The following ARHGAP15 variants were observed in gnomAD, a reference collection of about 807,000 sequenced individuals.
ARHGAP15 encodes rho GTPase-activating protein 15.
A neutral mutation model predicts 63.7 loss-of-function variants in ARHGAP15; 51 were observed. The observed-to-expected ratio is 0.80, with a 90% CI of 0.64 to 1.01. The LOEUF is 1.01. ARHGAP15 is among the 50% of genes least tolerant of loss of function. The pLI is 0.00. For missense variants in ARHGAP15, 560 were observed against 564.6 expected (o/e 0.99, Z 0.08); for synonymous variants, 191 against 193.8 (o/e 0.99, Z 0.12).
chr2:143,471,020 AAT>A (rs1328331148), intron 8 of ARHGAP15, among the ~76,000 whole-genome samples: 10 of 149,190 alleles, frequency 6.7e-5, no homozygotes, highest in East Asian at 4.0e-4. Context: ...AGAAGATATG[AAT>A]ATGTGTGTAT....
At chr2:143,270,435 A>C (rs2105047948) in intron 6 of ARHGAP15, among the ~76,000 whole-genome samples, 1 of 152,288 alleles carries the variant, frequency 6.6e-6, no homozygotes, top group South Asian at 2.1e-4. Flanking sequence ...TTTTGAAAGA[A>C]CTTCAATATT....
At chr2:143,351,436 T>G (rs988201109) in intron 6 of ARHGAP15, 6 of 151,604 alleles carry the variant, frequency 4.0e-5, no homozygotes, top group Non-Finnish European at 8.8e-5. Flanking sequence ...AGGGAGAGAG[T>G]GAGACTACTG....
At chr2:143,133,572 A>C (rs1573988655) in intron 1 of ARHGAP15, among the ~76,000 whole-genome samples, 2 of 152,316 alleles carry the variant, frequency 1.3e-5, no homozygotes, top group East Asian at 3.9e-4. Context: ...TTACCTGTTC[A>C]GGTGCCTGAG....
chr2:143,632,329 A>G (rs1489851850), intron 12 of ARHGAP15, among the ~76,000 whole-genome samples: 1 of 152,110 alleles, frequency 6.6e-6, no homozygotes, highest in Non-Finnish European at 1.5e-5. Context: ...AAACCATATG[A>G]ACATATATAT....
At chr2:143,382,853 A>G (rs1019914521) in intron 6 of ARHGAP15, among the ~76,000 whole-genome samples, 3 of 152,222 alleles carry the variant, frequency 2.0e-5, no homozygotes, top group Non-Finnish European at 4.4e-5. Context: ...AGAGTCAGAC[A>G]CAAAACTCTC....
chr2:143,510,988 C>T (rs1559019084), intron 9 of ARHGAP15, among the ~76,000 whole-genome samples: 1 of 152,214 alleles, frequency 6.6e-6, no homozygotes, highest in Non-Finnish European at 1.5e-5. Flanking sequence ...CAGTTGTCCT[C>T]ATAGTTTTGA....
intron 2 of ARHGAP15, among the ~76,000 whole-genome samples, chr2:143,184,228 A>G (rs1220280618): frequency 6.6e-6 from 1 of 152,252 alleles, no homozygotes; most frequent in Non-Finnish European, 1.5e-5. Flanking sequence ...TGCCTTTAGC[A>G]TCAACTGAAA....
In ARHGAP15 at chr2:143,497,951, G is replaced by T. The variant is rs576304572; in HGVS notation, c.826+10456G>T. ...TACATGTCAGAGCTCTCATAACTCA[G>T]ATATCCTCATTAGGGACCCCATTCA... On this transcript the variant is annotated intron_variant, in intron 9 of 13. Coordinates refer to ENST00000295095, the MANE Select transcript of ARHGAP15 (RefSeq NM_018460.4). Among the ~76,000 whole-genome samples, 9 of 152,254 alleles carry T rather than the reference G, an allele frequency of 5.9e-5. No homozygotes were observed. In the East Asian group the frequency reaches 1.5e-3, roughly 26 times the overall value.
At chr2:143,314,739 G>A (rs1202925482) in intron 6 of ARHGAP15, 1 of 144,628 alleles carries the variant, frequency 6.9e-6, no homozygotes, top group Admixed American at 6.7e-5. Context: ...AAATATTTAA[G>A]GTTTAATACT....
chr2:143,598,309 G>T (rs1197173167), intron 11 of ARHGAP15, among the ~76,000 whole-genome samples: 2 of 152,028 alleles, frequency 1.3e-5, no homozygotes, highest in Non-Finnish European at 2.9e-5. Flanking sequence ...ATCAAATCTT[G>T]GTCAAAAATA....
At chr2:143,346,172 ACTCT>A (rs72188499) in intron 6 of ARHGAP15, among the ~76,000 whole-genome samples, 61,090 of 138,642 alleles carry the variant, frequency 0.44, 13,392 homozygotes, top group African/African-American at 0.61. Flanking sequence ...ACACACACAC[ACTCT>A]CTCTCTCACA....
chr2:143,146,036 T>C (rs1689574923), intron 1 of ARHGAP15, among the ~76,000 whole-genome samples: 1 of 151,780 alleles, frequency 6.6e-6, no homozygotes, highest in Non-Finnish European at 1.5e-5. Flanking sequence ...TAGTCTTTGT[T>C]GCCTTGAAAT....
chr2:143,308,935 C>CAAAAAA (rs35757623), intron 6 of ARHGAP15, among the ~76,000 whole-genome samples: 1 of 107,378 alleles, frequency 9.3e-6, no homozygotes, highest in South Asian at 3.3e-4. Flanking sequence ...TCCTGGCAGC[C>CAAAAAA]AAAAAAAAAA....
chr2:143,762,365 T>A (rs912653899), intron 13 of ARHGAP15, among the ~76,000 whole-genome samples: 2 of 152,200 alleles, frequency 1.3e-5, no homozygotes, highest in Non-Finnish European at 2.9e-5. Flanking sequence ...GGGAGTTTCT[T>A]TCATTTCTTT....
chr2:143,734,487 T>C (rs181712562), intron 13 of ARHGAP15, among the ~76,000 whole-genome samples: 5 of 152,336 alleles, frequency 3.3e-5, no homozygotes, highest in African/African-American at 1.2e-4. Flanking sequence ...TAAATCCCCC[T>C]TTGTTCCCTC....
At chr2:143,256,071 G>A (rs1309692863) in intron 6 of ARHGAP15, among the ~76,000 whole-genome samples, 2 of 152,078 alleles carry the variant, frequency 1.3e-5, no homozygotes, top group Non-Finnish European at 2.9e-5. Context: ...CTCCAACTTT[G>A]TCACACCAAG....
chr2:143,346,881 T>A (rs1481158443), intron 6 of ARHGAP15, among the ~76,000 whole-genome samples: 1 of 152,136 alleles, frequency 6.6e-6, no homozygotes, highest in African/African-American at 2.4e-5. Context: ...ATAAAAATGA[T>A]GTATGTTTCT....
chr2:143,678,236 G>A (rs1039610725), intron 12 of ARHGAP15, among the ~76,000 whole-genome samples: 1 of 152,066 alleles, frequency 6.6e-6, no homozygotes, highest in Non-Finnish European at 1.5e-5. Flanking sequence ...AAGAAAGAGA[G>A]AAGAACCAAA....
chr2:143,282,911 G>A (rs560452207), intron 6 of ARHGAP15, among the ~76,000 whole-genome samples: 1 of 152,252 alleles, frequency 6.6e-6, no homozygotes, highest in Non-Finnish European at 1.5e-5. Context: ...GCGTTACGCT[G>A]TAGCCAGCCC....
Sources: allele counts gnomAD v4.1 joint callset (sites outside exome capture counted in the v4.1 genomes callset), GRCh38; gene constraint gnomAD v4.1.1; transcripts MANE v1.5; gene names NCBI Gene and HGNC (gene_info 2026-07-23, HGNC 2026-07-21).